The following CPNE7 variants were observed in gnomAD, a reference collection of about 807,000 sequenced individuals.
CPNE7 encodes copine 7, also known as copine-7.
A neutral mutation model predicts 66.5 loss-of-function variants in CPNE7; 78 were observed. That is an observed-to-expected ratio of 1.17 (90% CI 0.98 to 1.42). CPNE7 has a LOEUF of 1.42. CPNE7 is among the 40% of genes most tolerant of loss of function. CPNE7 has a pLI of 0.00. For missense variants in CPNE7, 1,012 were observed against 776.6 expected (o/e 1.30, Z -3.60); for synonymous variants, 468 against 336.7 (o/e 1.39, Z -4.27).
chr16:89,578,845 C>G, intron 2 of CPNE7: 2 of 1,605,004 alleles, frequency 1.2e-6, no homozygotes, highest in Non-Finnish European at 1.7e-6. Context: ...CTCTGGGTTA[C>G]GGCCTCCACA....
At chr16:89,581,180 C>G (rs142077732) in intron 2 of CPNE7, among the ~76,000 whole-genome samples, 1 of 151,644 alleles carries the variant, frequency 6.6e-6, no homozygotes, top group African/African-American at 2.4e-5. Context: ...CGGAACATTC[C>G]GTCTCCCGCT....
intron 13 of CPNE7, among the ~76,000 whole-genome samples, chr16:89,591,734 C>G (rs1270926390): frequency 6.6e-6 from 1 of 152,172 alleles, no homozygotes; most frequent in Admixed American, 6.5e-5. Flanking sequence ...GAGTCTCACT[C>G]TGTCACCCAG....
At position 89,592,961 on chromosome 16, in the gene CPNE7, C is replaced by T. The variant is rs531259529; in HGVS notation, c.1302+1701C>T. ...CTGAGTAGCTGGGAGTACAGGCGCC[C>T]GCCACCATACCCGGCTAATTTTTAT... On this transcript the variant is annotated intron_variant, in intron 13 of 14. Transcript: ENST00000319518. Among the ~76,000 whole-genome samples, 26 of 151,012 alleles carry T rather than the reference C, an allele frequency of 1.7e-4. 1 individual carries two copies. In the South Asian group the frequency reaches 2.9e-3, roughly 17 times the overall value.
chr16:89,586,886 C>G (rs546222058), intron 8 of CPNE7, 130 bp downstream of exon 8: 1 of 1,096,990 alleles, frequency 9.1e-7, no homozygotes. Flanking sequence ...GGCTGAGAGA[C>G]GGGGAAGGGC....
At chr16:89,595,698 A>T (rs1321466577) in intron 14 of CPNE7, 95 bp downstream of exon 14, 1 of 1,094,084 alleles carries the variant, frequency 9.1e-7, no homozygotes, top group African/African-American at 1.5e-5. Context: ...ACGCCAGTGG[A>T]TGTGGCAGGT....
Position 89,595,433 on chromosome 16 carries a change from A to G in CPNE7, c.1369A>G (p.Ile457Val), listed in dbSNP as rs770891842. ...CGACATGGCCGACACACGGGAGGCC[A>G]TTGTGCGTGCCTCACGCCTGCCCAT... ...VTDMADTREA[I>V]VRASRLPMSI... Residue 457 changes from isoleucine to valine, a missense_variant, in exon 14 of 15, where the codon ATT becomes GTT. Coordinates refer to ENST00000319518, the MANE Select transcript of CPNE7 (RefSeq NM_153636.3). The G allele has an allele frequency of 1.2e-6, 2 of 1,608,826 alleles. No individual in the cohort carries two copies. The highest frequency in any genetic ancestry group is 1.7e-6 in the Non-Finnish European group (2 of 1,177,150).
At chr16:89,582,263 T>G (rs2058967617) in intron 2 of CPNE7, among the ~76,000 whole-genome samples, 1 of 152,174 alleles carries the variant, frequency 6.6e-6, no homozygotes, top group African/African-American at 2.4e-5. Flanking sequence ...CTCAACTGTT[T>G]CCTCATGTGA....
At chr16:89,582,568 C>T (rs402136) in intron 2 of CPNE7, among the ~76,000 whole-genome samples, 20,334 of 152,182 alleles carry the variant, frequency 0.13, 1,611 homozygotes, top group South Asian at 0.19. Context: ...GGGCCTGGCC[C>T]GAGGCTCCCC....
intron 13 of CPNE7, among the ~76,000 whole-genome samples, chr16:89,592,600 G>T (rs894079572): frequency 2.1e-5 from 3 of 139,684 alleles, no homozygotes; most frequent in African/African-American, 8.0e-5. Context: ...CCGCCACCAC[G>T]CCCGGCTAAT....
intron 13 of CPNE7, among the ~76,000 whole-genome samples, chr16:89,592,410 G>C (rs1244239470): frequency 6.6e-6 from 1 of 150,972 alleles, no homozygotes; most frequent in South Asian, 2.1e-4. Context: ...CCTGCTTCAC[G>C]TCTGTGTAGT....
At chr16:89,594,336 T>C (rs1272895049) in intron 13 of CPNE7, among the ~76,000 whole-genome samples, 1 of 151,768 alleles carries the variant, frequency 6.6e-6, no homozygotes, top group Non-Finnish European at 1.5e-5. Flanking sequence ...TGCAAACAGG[T>C]AATTCTTCCC....
At chr16:89,577,270 C>T (rs979928296) in intron 1 of CPNE7, among the ~76,000 whole-genome samples, 2 of 152,138 alleles carry the variant, frequency 1.3e-5, no homozygotes, top group African/African-American at 4.8e-5. Context: ...CTGATCTCGC[C>T]CCCGACTCAG....
intron 14 of CPNE7, 31 bp downstream of exon 14, chr16:89,595,634 CG>C (rs2059243188): frequency 1.3e-6 from 2 of 1,564,126 alleles, no homozygotes; most frequent in Non-Finnish European, 1.7e-6. Context: ...CCGTCAAGGC[CG>C]GCTTGGGGGT....
chr16:89,594,465 C>T (rs1024387399), intron 13 of CPNE7, among the ~76,000 whole-genome samples: 2 of 152,102 alleles, frequency 1.3e-5, no homozygotes, highest in African/African-American at 4.8e-5. Flanking sequence ...CATCTGCCCT[C>T]AGTGGGACGG....
rs1197347347 is a variant in CPNE7 at position 89,588,664 on chromosome 16, G to A, written c.928-11G>A. 5.6e-6 allele frequency: 9 copies of A among 1,612,818 alleles called. No individual in the cohort carries two copies. The highest frequency in any genetic ancestry group is 5.0e-5 in the Admixed American group (3 of 60,006). ...GGCCCAGCACAGCTCCTGGCTCCCG[G>A]CCCACTGCAGGTGGCCATTGACTTC... On this transcript the variant is annotated splice_polypyrimidine_tract_variant and intron_variant, in intron 9 of 14. Transcript: ENST00000319518.
chr16:89,588,250 A>ACACGGCCCCCG (rs2059114674), intron 9 of CPNE7, among the ~76,000 whole-genome samples: 4 of 135,228 alleles, frequency 3.0e-5, no homozygotes, highest in Admixed American at 7.6e-5. Context: ...CCCGCGTGTT[A>ACACGGCCCCCG]TTTGCAGATG....
At chr16:89,582,284 C>T (rs2058967774) in intron 2 of CPNE7, among the ~76,000 whole-genome samples, 1 of 152,228 alleles carries the variant, frequency 6.6e-6, no homozygotes, top group African/African-American at 2.4e-5. Context: ...TTCAAGTAAA[C>T]AGTAACTCAG....
Position 89,591,209 on chromosome 16 carries a change from C to T in CPNE7, c.1251C>T (p.Ile417=). The T allele has an allele frequency of 6.3e-7, 1 of 1,596,190 alleles. No individual in the cohort carries two copies. The highest frequency in any genetic ancestry group is 1.3e-5 in the African/African-American group (1 of 74,794). ...LYGPTNVAPI[I]SKVARVAAAE... is the part of the protein sequence containing the mutation. ...GCCCCACCAACGTGGCGCCCATCAT[C>T]TCCAAGGTGGCACGCGTGGCGGCGG... Residue 417 remains isoleucine (I), a synonymous_variant, in exon 13 of 15, where the codon ATC becomes ATT. Coordinates refer to ENST00000319518, the MANE Select transcript of CPNE7 (RefSeq NM_153636.3).
intron 10 of CPNE7, among the ~76,000 whole-genome samples, chr16:89,589,310 G>A (rs535326825): frequency 2.0e-4 from 30 of 152,290 alleles, no homozygotes; most frequent in East Asian, 1.5e-3. Context: ...GAGACTCTGC[G>A]AGGAAGGGCT....
Sources: allele counts gnomAD v4.1 joint callset (sites outside exome capture counted in the v4.1 genomes callset), GRCh38; gene constraint gnomAD v4.1.1; transcripts MANE v1.5; gene names NCBI Gene and HGNC (gene_info 2026-07-23, HGNC 2026-07-21).